Variants in NTAQ1 observed in about 807,000 individuals in gnomAD.
The protein encoded by NTAQ1 is protein N-terminal glutamine amidohydrolase.
NTAQ1 carries 21 observed loss-of-function variants against 28.2 expected under a neutral mutation model. That is an observed-to-expected ratio of 0.74 (90% CI 0.53 to 1.07). The LOEUF (loss-of-function observed/expected upper bound fraction) is 1.07, where lower values mean the gene tolerates loss of function less well. Ranked by LOEUF, NTAQ1 falls within the 50% of genes least tolerant of loss-of-function variation. The pLI, the probability that NTAQ1 is intolerant of heterozygous loss-of-function variation, is 0.00. For missense variants in NTAQ1, 264 were observed against 256.6 expected (o/e 1.03, Z -0.20); for synonymous variants, 105 against 90.0 (o/e 1.17, Z -0.94).
At chr8:123,444,508 CAAA>C (rs1014739436), downstream of NTAQ1, among the ~76,000 whole-genome samples, 2 of 151,442 alleles carry the variant, frequency 1.3e-5, no homozygotes, top group Non-Finnish European at 2.9e-5. Context: ...CTGACTAAAG[CAAA>C]AAATTTTCTT....
exon 7 of NTAQ1, among the ~76,000 whole-genome samples, chr8:123,469,395 G>T (rs1816020296): frequency 6.6e-6 from 1 of 152,202 alleles, no homozygotes; most frequent in African/African-American, 2.4e-5. Context: ...ACAGACAAGA[G>T]ACTAGGCTGG....
downstream of NTAQ1, among the ~76,000 whole-genome samples, chr8:123,470,361 A>G (rs928186531): frequency 6.6e-6 from 1 of 152,188 alleles, no homozygotes; most frequent in Admixed American, 6.5e-5. Context: ...CCCTGTGTTC[A>G]CTTATCTTTG....
chr8:123,455,529 G>A (rs1004500549), intron 6 of NTAQ1, among the ~76,000 whole-genome samples: 15 of 149,994 alleles, frequency 1.0e-4, no homozygotes, highest in African/African-American at 3.5e-4. Flanking sequence ...GGGTTCAAGC[G>A]ATTCTCTGCC....
At chr8:123,466,264 T>G (rs911684690) in intron 6 of NTAQ1, among the ~76,000 whole-genome samples, 1 of 152,182 alleles carries the variant, frequency 6.6e-6, no homozygotes, top group African/African-American at 2.4e-5. Context: ...AGCTTACAAC[T>G]GTGCCACTCA....
At chr8:123,441,204 A>G (rs1815046550) in intron 5 of NTAQ1, 102 bp from the exon 6 acceptor site, 1 of 829,728 alleles carries the variant, frequency 1.2e-6, no homozygotes. Flanking sequence ...GCCCTTATCC[A>G]TTTGAATAAT....
At chr8:123,465,717 G>T (rs908867894) in intron 6 of NTAQ1, among the ~76,000 whole-genome samples, 1 of 151,516 alleles carries the variant, frequency 6.6e-6, no homozygotes, top group Non-Finnish European at 1.5e-5. Flanking sequence ...GAGTAGCTGG[G>T]ATTACAGGCG....
intron 6 of NTAQ1, among the ~76,000 whole-genome samples, chr8:123,455,538 C>A (rs1038619007): frequency 6.6e-6 from 1 of 151,308 alleles, no homozygotes; most frequent in East Asian, 1.9e-4. Context: ...CGATTCTCTG[C>A]CTCAGCTTCC....
chr8:123,434,785 G>A (rs145753651), intron 3 of NTAQ1, among the ~76,000 whole-genome samples: 76 of 152,300 alleles, frequency 5.0e-4, no homozygotes, highest in Non-Finnish European at 9.4e-4. Flanking sequence ...GAAAGAGGTA[G>A]AGAAGGTTGC....
At chr8:123,475,637 A>G in the NTAQ1 span, among the ~76,000 whole-genome samples, 1 of 152,332 alleles carries the variant, frequency 6.6e-6, no homozygotes, top group South Asian at 2.1e-4. Context: ...ATGTGTGAAT[A>G]TCTCTAAGGC....
At chr8:123,447,256 C>T (rs1352144306) in intron 6 of NTAQ1, among the ~76,000 whole-genome samples, 3 of 152,042 alleles carry the variant, frequency 2.0e-5, no homozygotes, top group Non-Finnish European at 4.4e-5. Flanking sequence ...GGCTCAGATG[C>T]ACATACAACT....
At chr8:123,419,076 TG>T (rs1271443285) in intron 1 of NTAQ1, among the ~76,000 whole-genome samples, 1 of 137,342 alleles carries the variant, frequency 7.3e-6, no homozygotes, top group Non-Finnish European at 1.5e-5. Context: ...CCTGCAGCTT[TG>T]GGGGTTTTTT....
chr8:123,454,200 G>T (rs960375278), intron 6 of NTAQ1, among the ~76,000 whole-genome samples: 1 of 152,172 alleles, frequency 6.6e-6, no homozygotes, highest in Non-Finnish European at 1.5e-5. Flanking sequence ...TCCCAGTCAG[G>T]TCTCAGCGGC....
chr8:123,474,800 T>C (rs944385970), downstream of NTAQ1, among the ~76,000 whole-genome samples: 1 of 152,060 alleles, frequency 6.6e-6, no homozygotes, highest in Non-Finnish European at 1.5e-5. Context: ...GGCAGGAGAA[T>C]AGCTTGAACC....
At chr8:123,443,862 T>C (rs7839404), downstream of NTAQ1, among the ~76,000 whole-genome samples, 149,250 of 152,286 alleles carry the variant, frequency 0.98, 73,142 homozygotes, top group East Asian at 1. Context: ...TGTGAGCCAC[T>C]GCGCCTGGCC....
chr8:123,449,875 CT>C (rs1815420701), downstream of NTAQ1, among the ~76,000 whole-genome samples: 1 of 140,266 alleles, frequency 7.1e-6, no homozygotes, highest in Non-Finnish European at 1.5e-5. Context: ...CTCTCTCTCT[CT>C]CTCTCTCTCT....
intron 2 of NTAQ1, 68 bp downstream of exon 2, chr8:123,428,091 A>AC: frequency 1.8e-6 from 2 of 1,113,850 alleles, no homozygotes; most frequent in Non-Finnish European, 2.4e-6. Context: ...TAAATTAAAA[A>AC]AAAAAAAGCT....
At chr8:123,434,489 T>C (rs1470826609) in intron 3 of NTAQ1, among the ~76,000 whole-genome samples, 1 of 151,896 alleles carries the variant, frequency 6.6e-6, no homozygotes, top group East Asian at 1.9e-4. Context: ...TAGCTGGGTG[T>C]GGTGGCGCGC....
intron 6 of NTAQ1, among the ~76,000 whole-genome samples, chr8:123,464,448 G>C (rs1815913853): frequency 6.6e-6 from 1 of 152,148 alleles, no homozygotes; most frequent in Non-Finnish European, 1.5e-5. Context: ...GAATACACGA[G>C]AGGTCAGAGT....
chr8:123,432,977 T>C (rs925712987), intron 3 of NTAQ1, among the ~76,000 whole-genome samples: 19 of 152,150 alleles, frequency 1.2e-4, no homozygotes, highest in African/African-American at 4.6e-4. Context: ...ACTGTGCCTG[T>C]CCTCCTGTAA....
Sources: allele counts gnomAD v4.1 joint callset (sites outside exome capture counted in the v4.1 genomes callset), GRCh38; gene constraint gnomAD v4.1.1; transcripts MANE v1.5; gene names NCBI Gene and HGNC (gene_info 2026-07-23, HGNC 2026-07-21).